The following ERI3 variants were observed in gnomAD, a reference collection of about 807,000 sequenced individuals.
The protein encoded by ERI3 is ERI1 exoribonuclease family member 3, also known as ERI1 exoribonuclease 3.
A neutral mutation model predicts 44.4 loss-of-function variants in ERI3; 18 were observed. That is an observed-to-expected ratio of 0.41 (90% confidence interval 0.28 to 0.60). ERI3 has a LOEUF of 0.60. Ranked by LOEUF, ERI3 falls within the 20% of genes least tolerant of loss-of-function variation. The pLI is 0.36. For synonymous variants in ERI3, 183 were observed against 164.8 expected (o/e 1.11, Z -0.84); for missense variants, 294 against 435.5 (o/e 0.68, Z 2.89).
Position 44,339,006 on chromosome 1 carries a change from C to T in ERI3, c.489+39G>A, listed in dbSNP as rs372169517. On this transcript the variant is annotated intron_variant, in intron 3 of 8. Coordinates refer to ENST00000372257, the MANE Select transcript of ERI3 (RefSeq NM_024066.3). ...CAAAACTATCCTCCCTCCCTCCTTG[C>T]CCCCCCCACCTTTTCTAAAGCAATG... The T allele has an allele frequency of 2.6e-4, 412 of 1,584,704 alleles. No individual in the cohort carries two copies. The African/African-American group carries it at 4.9e-3, about 19-fold the overall frequency.
intron 3 of ERI3, among the ~76,000 whole-genome samples, chr1:44,325,619 C>T (rs970416966): frequency 6.6e-6 from 1 of 152,146 alleles, no homozygotes; most frequent in African/African-American, 2.4e-5. Context: ...TCAGGTTAGA[C>T]TGTTGGGATT....
intron 8 of ERI3, among the ~76,000 whole-genome samples, chr1:44,244,631 C>T (rs534920413): frequency 6.6e-6 from 1 of 152,134 alleles, no homozygotes; most frequent in South Asian, 2.1e-4. Flanking sequence ...ACCTTGCTGC[C>T]CCTCCCCTTC....
At chr1:44,251,784 A>G (rs1289533105) in intron 7 of ERI3, among the ~76,000 whole-genome samples, 2 of 152,202 alleles carry the variant, frequency 1.3e-5, no homozygotes, top group African/African-American at 4.8e-5. Flanking sequence ...ACTGTCTCTC[A>G]ACTCTGTGTA....
chr1:44,266,888 T>G (rs898356341), intron 7 of ERI3, among the ~76,000 whole-genome samples: 5 of 152,220 alleles, frequency 3.3e-5, no homozygotes, highest in Non-Finnish European at 7.3e-5. Flanking sequence ...TCTGTATTAA[T>G]TCCCTTCCCT....
At chr1:44,324,525 A>G (rs1415775312) in intron 3 of ERI3, among the ~76,000 whole-genome samples, 1 of 116,268 alleles carries the variant, frequency 8.6e-6, no homozygotes, top group Non-Finnish European at 1.6e-5. Context: ...TCTGTCGCCC[A>G]GGCTGGGTTG....
chr1:44,339,013 C>T (rs186182389), intron 3 of ERI3, 32 bp downstream of exon 3: 43 of 1,601,356 alleles, frequency 2.7e-5, no homozygotes, highest in Non-Finnish European at 3.6e-5. Context: ...TTGCCCCCCC[C>T]ACCTTTTCTA....
intron 6 of ERI3, among the ~76,000 whole-genome samples, chr1:44,287,675 T>C (rs1645422126): frequency 6.6e-6 from 1 of 152,222 alleles, no homozygotes. Flanking sequence ...GGATGAAAGG[T>C]AGCCTTAGGA....
intron 1 of ERI3, chr1:44,353,759 C>G: frequency 1.0e-6 from 1 of 985,430 alleles, no homozygotes; most frequent in Non-Finnish European, 1.2e-6. Flanking sequence ...GATCTTTGGG[C>G]AGGAATTGTT....
chr1:44,351,328 C>T (rs759858587), intron 2 of ERI3, among the ~76,000 whole-genome samples: 2 of 152,162 alleles, frequency 1.3e-5, no homozygotes, highest in Non-Finnish European at 2.9e-5. Flanking sequence ...GCCACCATGC[C>T]GGCCTGCCAA....
At chr1:44,317,638 A>G (rs1264460226) in intron 4 of ERI3, among the ~76,000 whole-genome samples, 1 of 152,072 alleles carries the variant, frequency 6.6e-6, no homozygotes, top group African/African-American at 2.4e-5. Context: ...TCTAGTGAAA[A>G]GACAGATAAA....
At chr1:44,296,743 G>A (rs1179309800) in intron 6 of ERI3, among the ~76,000 whole-genome samples, 1 of 152,210 alleles carries the variant, frequency 6.6e-6, no homozygotes, top group Admixed American at 6.5e-5. Context: ...CCTTGGCAAA[G>A]ATGGGAGTCC....
intron 7 of ERI3, 80 bp from the exon 8 acceptor site, chr1:44,248,118 C>A: frequency 1.1e-6 from 1 of 909,006 alleles, no homozygotes; most frequent in Middle Eastern, 2.2e-4. Context: ...CCCCCCACCC[C>A]CCAAATCTTT....
chr1:44,317,491 T>C (rs1646114384), intron 4 of ERI3, among the ~76,000 whole-genome samples: 1 of 150,186 alleles, frequency 6.7e-6, no homozygotes, highest in Admixed American at 6.6e-5. Context: ...ACAGTTGTTT[T>C]TGGGAGAGAC....
At chr1:44,270,360 TATC>T (rs1645065838) in intron 7 of ERI3, among the ~76,000 whole-genome samples, 1 of 152,214 alleles carries the variant, frequency 6.6e-6, no homozygotes, top group East Asian at 1.9e-4. Context: ...AGAAGCGGCT[TATC>T]TAGTCCCTTT....
At chr1:44,284,700 A>G in intron 7 of ERI3, 135 bp downstream of exon 7, 1 of 687,908 alleles carries the variant, frequency 1.5e-6, no homozygotes, top group Non-Finnish European at 2.5e-6. Flanking sequence ...AGCTAAGGAA[A>G]AGGATGAAGT....
rs571818211 is a variant in ERI3 at position 44,330,644 on chromosome 1, G to A, written c.489+8401C>T. 2.0e-5 allele frequency among the ~76,000 whole-genome samples: 3 copies of A among 152,304 alleles called. No individual in the cohort carries two copies. The South Asian group carries it at 6.2e-4, about 32-fold the overall frequency. On this transcript the variant is annotated intron_variant, in intron 3 of 8. Coordinates refer to ENST00000372257, the MANE Select transcript of ERI3 (RefSeq NM_024066.3). ...TGCTGCAGACCTGCCAGCCTTTGCT[G>A]GGGGTGGGGGTAGCTGGTGTCAATG...
At chr1:44,314,462 G>A (rs1485984074) in intron 4 of ERI3, among the ~76,000 whole-genome samples, 1 of 152,140 alleles carries the variant, frequency 6.6e-6, no homozygotes, top group African/African-American at 2.4e-5. Context: ...GGTAACAGCT[G>A]CTGCCTACAG....
intron 7 of ERI3, among the ~76,000 whole-genome samples, chr1:44,257,509 C>T (rs1010577085): frequency 6.6e-6 from 1 of 152,200 alleles, no homozygotes; most frequent in Non-Finnish European, 1.5e-5. Context: ...AGCCTGGGGG[C>T]AGAAGCCAAA....
intron 3 of ERI3, among the ~76,000 whole-genome samples, chr1:44,329,245 AC>A (rs929362149): frequency 1.4e-4 from 21 of 152,020 alleles, no homozygotes; most frequent in African/African-American, 4.8e-4. Context: ...GGCCTCTCCA[AC>A]CCTGGCCACA....
Sources: allele counts gnomAD v4.1 joint callset (sites outside exome capture counted in the v4.1 genomes callset), GRCh38; gene constraint gnomAD v4.1.1; transcripts MANE v1.5; gene names NCBI Gene and HGNC (gene_info 2026-07-23, HGNC 2026-07-21).